LHX8: variants seen among roughly 807,000 people sequenced by gnomAD.
LHX8 encodes LIM homeobox 8, also known as LIM/homeobox protein Lhx8.
Under a neutral mutation model 40.3 loss-of-function variants are expected in LHX8, and 12 were observed. The ratio of observed to expected loss-of-function variants is 0.30; its 90% CI spans 0.19 to 0.48. LHX8 has a LOEUF of 0.48. Ranked by LOEUF, LHX8 falls within the 20% of genes least tolerant of loss-of-function variation. The pLI, the probability that LHX8 is intolerant of heterozygous loss-of-function variation, is 0.99. For synonymous variants in LHX8, 179 were observed against 162.0 expected (o/e 1.10, Z -0.80); for missense variants, 344 against 433.7 (o/e 0.79, Z 1.84).
chr1:75,148,651 A>G lies in LHX8; in HGVS notation c.749A>G (p.Glu250Gly). The change falls in exon 7 of 9, where the codon GAA (glutamate) becomes GGA (glycine). Residue 250 changes from glutamate to glycine, a missense_variant. Glu to Gly is a moderately conservative substitution (Grantham distance 98, BLOSUM62 -2). Transcript: ENST00000356261. ...PDAQTLQKLA[E>G]RTGLSRRVIQ... ...GCACAGACACTCCAGAAATTGGCAG[A>G]AAGGACAGGCTTGAGCAGACGTGTG... 6.2e-7 allele frequency: 1 copy of G among 1,613,900 alleles called. No individual in the cohort carries two copies. The highest frequency in any genetic ancestry group is 8.5e-7 in the Non-Finnish European group (1 of 1,179,876).
intron 1 of LHX8, among the ~76,000 whole-genome samples, chr1:75,129,022 C>T (rs915284427): frequency 1.3e-5 from 2 of 152,150 alleles, no homozygotes; most frequent in East Asian, 3.9e-4. Flanking sequence ...CCAGACCTCT[C>T]TAGAGAGGTG....
chr1:75,176,846 T>C, the LHX8 span, among the ~76,000 whole-genome samples: 3 of 152,232 alleles, frequency 2.0e-5, no homozygotes, highest in Non-Finnish European at 4.4e-5. Context: ...GAATTAATTT[T>C]TGTATAAGGT....
At chr1:75,195,080 A>G in the LHX8 span, among the ~76,000 whole-genome samples, 2 of 152,292 alleles carry the variant, frequency 1.3e-5, no homozygotes, top group East Asian at 1.9e-4. Context: ...AGAAAACTAC[A>G]TATCTCTATC....
At chr1:75,197,576 C>G in the LHX8 span, among the ~76,000 whole-genome samples, 1 of 152,122 alleles carries the variant, frequency 6.6e-6, no homozygotes, top group Non-Finnish European at 1.5e-5. Flanking sequence ...TTTTTTCTCT[C>G]TATTGCGGTC....
chr1:75,180,192 A>T, the LHX8 span, among the ~76,000 whole-genome samples: 1 of 152,030 alleles, frequency 6.6e-6, no homozygotes, highest in Non-Finnish European at 1.5e-5. Flanking sequence ...CTCGAGGAGT[A>T]TCTTTGTGGT....
chr1:75,153,384 G>T (rs1648664939), intron 7 of LHX8, among the ~76,000 whole-genome samples: 1 of 151,640 alleles, frequency 6.6e-6, no homozygotes, highest in Non-Finnish European at 1.5e-5. Context: ...GATTACAGGA[G>T]TGAGCCATCA....
chr1:75,136,110 T>C (rs561682970), intron 1 of LHX8, among the ~76,000 whole-genome samples: 86 of 152,318 alleles, frequency 5.6e-4, no homozygotes, highest in African/African-American at 1.9e-3. Flanking sequence ...TTTTAAAATA[T>C]ATATGTGTCT....
At chr1:75,178,901 T>A in the LHX8 span, among the ~76,000 whole-genome samples, 1 of 152,342 alleles carries the variant, frequency 6.6e-6, no homozygotes, top group East Asian at 1.9e-4. Flanking sequence ...TCAAGTAACA[T>A]CTTTATTTCT....
At chr1:75,153,256 A>G (rs1375175477) in intron 7 of LHX8, among the ~76,000 whole-genome samples, 1 of 151,376 alleles carries the variant, frequency 6.6e-6, no homozygotes, top group Non-Finnish European at 1.5e-5. Context: ...CAGGTGCGTG[A>G]TACCACACGC....
At chr1:75,144,102 C>T in intron 6 of LHX8, 154 bp downstream of exon 6, 1 of 663,484 alleles carries the variant, frequency 1.5e-6, no homozygotes, top group Non-Finnish European at 2.7e-6. Flanking sequence ...TGAAAACATA[C>T]TTATTGCCCT....
chr1:75,164,968 C>T (rs189723049), downstream of LHX8, among the ~76,000 whole-genome samples: 40 of 152,270 alleles, frequency 2.6e-4, no homozygotes, highest in African/African-American at 7.9e-4. Context: ...CCACTACGTC[C>T]AGCCGAAAAC....
At chr1:75,133,776 A>G (rs1032392864), upstream of LHX8, among the ~76,000 whole-genome samples, 1 of 152,212 alleles carries the variant, frequency 6.6e-6, no homozygotes, top group Non-Finnish European at 1.5e-5. Flanking sequence ...CATTTTGTCT[A>G]GGAGATGAAA....
upstream of LHX8, chr1:75,132,538 A>G (rs745535781): frequency 2.6e-5 from 4 of 152,132 alleles, no homozygotes; most frequent in African/African-American, 4.8e-5. Context: ...TTCTCCACTT[A>G]TGCAGAGATA....
chr1:75,147,398 C>T (rs1648488194), intron 6 of LHX8, among the ~76,000 whole-genome samples: 1 of 152,138 alleles, frequency 6.6e-6, no homozygotes, highest in Admixed American at 6.6e-5. Context: ...GAGTTTAACT[C>T]CTAGGGATAC....
downstream of LHX8, among the ~76,000 whole-genome samples, chr1:75,163,879 G>C (rs1007217547): frequency 6.6e-6 from 1 of 152,150 alleles, no homozygotes; most frequent in Admixed American, 6.5e-5. Flanking sequence ...TTATAAAAGA[G>C]ACCTAAGGGG....
chr1:75,136,821 G>T, intron 2 of LHX8, 132 bp downstream of exon 2: 2 of 682,622 alleles, frequency 2.9e-6, no homozygotes, highest in South Asian at 3.4e-5. Flanking sequence ...ACGGGGCGGA[G>T]AGGGTCTGGG....
chr1:75,143,804 A>T (rs765495686), intron 5 of LHX8, 41 bp from the exon 6 acceptor site: 7 of 1,453,454 alleles, frequency 4.8e-6, no homozygotes, highest in Non-Finnish European at 6.8e-6. Flanking sequence ...GGGTGTACCC[A>T]TTTGAATTAC....
At chr1:75,181,184 G>A in the LHX8 span, among the ~76,000 whole-genome samples, 3 of 152,314 alleles carry the variant, frequency 2.0e-5, no homozygotes, top group South Asian at 6.2e-4. Flanking sequence ...CACTTGAGGA[G>A]GTGGTCTGTC....
intron 7 of LHX8, among the ~76,000 whole-genome samples, chr1:75,156,148 A>G (rs1339868524): frequency 6.6e-6 from 1 of 152,026 alleles, no homozygotes; most frequent in Non-Finnish European, 1.5e-5. Flanking sequence ...TTAGTATAGA[A>G]TTGGCTTTTA....
Sources: gnomAD v4.1 joint callset for allele counts (sites outside exome capture counted in the v4.1 genomes callset) on GRCh38, gnomAD v4.1.1 for gene constraint, MANE v1.5 for transcripts, NCBI Gene and HGNC (gene_info 2026-07-23, HGNC 2026-07-21) for gene names.